TLCD4: variants seen among roughly 807,000 people sequenced by gnomAD.
TLCD4 encodes TLC domain containing 4, also known as TLC domain-containing protein 4.
In TLCD4, 7 loss-of-function variants were observed where a neutral mutation model predicts 24.2. The ratio of observed to expected loss-of-function variants is 0.29; its 90% CI spans 0.16 to 0.54. The LOEUF (loss-of-function observed/expected upper bound fraction) is 0.54, where lower values mean the gene tolerates loss of function less well. Ranked by LOEUF, TLCD4 falls within the 20% of genes least tolerant of loss-of-function variation. TLCD4 has a pLI of 0.95. For missense variants in TLCD4, 259 were observed against 313.9 expected, an observed-to-expected ratio of 0.82 and a Z score of 1.32; for synonymous variants, 103 against 106.4, an observed-to-expected ratio of 0.97 and a Z score of 0.20.
chr1:95,100,448 G>A, the TLCD4 span, among the ~76,000 whole-genome samples: 1 of 152,082 alleles, frequency 6.6e-6, no homozygotes, highest in Non-Finnish European at 1.5e-5. Flanking sequence ...GATGGTGCAT[G>A]CCTGTAATCC....
chr1:95,131,221 A>G (rs953576168), intron 1 of TLCD4, among the ~76,000 whole-genome samples: 2 of 152,338 alleles, frequency 1.3e-5, no homozygotes, highest in Non-Finnish European at 2.9e-5. Flanking sequence ...GGAGAGGGAC[A>G]TGCAGCATGA....
intron 5 of TLCD4, among the ~76,000 whole-genome samples, chr1:95,160,556 G>A (rs1465306507): frequency 6.6e-6 from 1 of 152,162 alleles, no homozygotes; most frequent in African/African-American, 2.4e-5. Flanking sequence ...GAATAGGAGT[G>A]GTGAGAGAGG....
chr1:95,188,553 TATTC>T (rs199713233), intron 6 of TLCD4, among the ~76,000 whole-genome samples: 7 of 152,212 alleles, frequency 4.6e-5, no homozygotes, highest in Admixed American at 2.6e-4. Context: ...TCTTCTCCCC[TATTC>T]ATTCATTCAT....
intron 2 of TLCD4, among the ~76,000 whole-genome samples, chr1:95,145,863 A>G (rs1444734925): frequency 6.6e-6 from 1 of 152,186 alleles, no homozygotes; most frequent in Admixed American, 6.5e-5. Context: ...TGGGAAACTG[A>G]ATTTCTATTT....
intron 5 of TLCD4, among the ~76,000 whole-genome samples, chr1:95,167,115 T>C (rs1047721955): frequency 6.6e-6 from 1 of 152,096 alleles, no homozygotes. Flanking sequence ...GCCCTCAGTA[T>C]GCGTCTCATT....
At chr1:95,124,836 G>A (rs1462856388) in intron 1 of TLCD4, among the ~76,000 whole-genome samples, 3 of 143,798 alleles carry the variant, frequency 2.1e-5, no homozygotes, top group Non-Finnish European at 4.7e-5. Context: ...CACTGGCTGG[G>A]CAAAATATTT....
the TLCD4 span, among the ~76,000 whole-genome samples, chr1:95,105,535 TTTG>T: frequency 3.3e-5 from 5 of 152,222 alleles, no homozygotes; most frequent in East Asian, 9.6e-4. Flanking sequence ...TATTACTTCA[TTTG>T]TTTCTAAATT....
chr1:95,131,010 G>T (rs1676876305), intron 1 of TLCD4, among the ~76,000 whole-genome samples: 1 of 152,132 alleles, frequency 6.6e-6, no homozygotes, highest in African/African-American at 2.4e-5. Context: ...TATAACACTA[G>T]CAGAATGGAA....
At chr1:95,111,813 C>T in the TLCD4 span, among the ~76,000 whole-genome samples, 6 of 152,136 alleles carry the variant, frequency 3.9e-5, no homozygotes, top group African/African-American at 1.2e-4. Context: ...TGCACTCATG[C>T]CCTCCACCCT....
chr1:95,101,108 C>T, the TLCD4 span, among the ~76,000 whole-genome samples: 1 of 151,914 alleles, frequency 6.6e-6, no homozygotes, highest in Non-Finnish European at 1.5e-5. Flanking sequence ...GTGGTTTCAC[C>T]ATCTTGGCCA....
chr1:95,108,127 C>T, the TLCD4 span, among the ~76,000 whole-genome samples: 1 of 151,854 alleles, frequency 6.6e-6, no homozygotes, highest in Non-Finnish European at 1.5e-5. Context: ...TCTTTTTCTT[C>T]TTTGATATAT....
intron 1 of TLCD4, among the ~76,000 whole-genome samples, chr1:95,122,446 G>A (rs1365013846): frequency 1.3e-5 from 2 of 152,168 alleles, no homozygotes; most frequent in Non-Finnish European, 2.9e-5. Flanking sequence ...TTTTATCATT[G>A]ATATTCCGAC....
chr1:95,114,305 G>A (rs1676389884), upstream of TLCD4, among the ~76,000 whole-genome samples: 1 of 152,094 alleles, frequency 6.6e-6, no homozygotes, highest in South Asian at 2.1e-4. Flanking sequence ...GTAGTGCTTG[G>A]GGTTATTCAT....
intron 6 of TLCD4, among the ~76,000 whole-genome samples, chr1:95,189,384 G>T (rs779036920): frequency 3.3e-5 from 5 of 152,136 alleles, no homozygotes; most frequent in Non-Finnish European, 7.4e-5. Context: ...ATTGCATCCT[G>T]GTATCCCCCA....
At chr1:95,143,022 GCAGT>G (rs1317697596) in intron 1 of TLCD4, among the ~76,000 whole-genome samples, 14 of 152,018 alleles carry the variant, frequency 9.2e-5, no homozygotes, top group South Asian at 4.1e-4. Flanking sequence ...GACTTGGCTG[GCAGT>G]CAGTCAGATT....
At chr1:95,183,700 T>C (rs1284899289) in intron 6 of TLCD4, among the ~76,000 whole-genome samples, 1 of 151,694 alleles carries the variant, frequency 6.6e-6, no homozygotes, top group Non-Finnish European at 1.5e-5. Context: ...AAGAATTAGC[T>C]GGGTGTGGTG....
chr1:95,150,407 G>A, intron 4 of TLCD4, 141 bp downstream of exon 4: 2 of 1,029,006 alleles, frequency 1.9e-6, no homozygotes, highest in Non-Finnish European at 2.7e-6. Flanking sequence ...CTCCCATGAT[G>A]GTAGAACATG....
chr1:95,161,752 G>A (rs949679702), intron 5 of TLCD4, among the ~76,000 whole-genome samples: 2 of 152,066 alleles, frequency 1.3e-5, no homozygotes, highest in Admixed American at 6.5e-5. Flanking sequence ...CCTTCATTTC[G>A]TTATGTACCC....
chr1:95,180,445 C>T (rs372671577), intron 6 of TLCD4, among the ~76,000 whole-genome samples: 4 of 152,168 alleles, frequency 2.6e-5, no homozygotes, highest in Admixed American at 2.6e-4. Flanking sequence ...ATATTGAGCA[C>T]AGCTTCTGTC....
Sources: gnomAD v4.1 joint callset for allele counts (sites outside exome capture counted in the v4.1 genomes callset) on GRCh38, gnomAD v4.1.1 for gene constraint, MANE v1.5 for transcripts, NCBI Gene and HGNC (gene_info 2026-07-23, HGNC 2026-07-21) for gene names.